Variants in SHISA5 observed in about 807,000 individuals in gnomAD.
SHISA5 encodes shisa family member 5.
In SHISA5, 21 loss-of-function variants were observed where a neutral mutation model predicts 27.5. The observed-to-expected ratio is 0.76, with a 90% CI of 0.54 to 1.10. The LOEUF is 1.10. Ranked by LOEUF, SHISA5 falls within the 50% of genes least tolerant of loss-of-function variation. SHISA5 has a pLI of 0.00. For missense variants in SHISA5, 314 were observed against 336.3 expected (o/e 0.93, Z 0.52); for synonymous variants, 137 against 142.2 (o/e 0.96, Z 0.26).
Position 48,504,002 on chromosome 3 carries a change from C to A in SHISA5, c.76+17G>T. 1.4e-6 allele frequency: 2 copies of A among 1,462,202 alleles called. No individual in the cohort carries two copies. The highest frequency in any genetic ancestry group is 1.3e-5 in the South Asian group (1 of 75,792). 90.6% of individuals were successfully genotyped at this position (1,462,202 alleles called of 1,614,324 possible). ...CCGGTCCCAGGGCAGGACGGGCCGCCCCCACCCCCGGCTCACCACCCGGAG... is the reference window on the plus strand; with the variant it reads ...CCGGTCCCAGGGCAGGACGGGCCGCACCCACCCCCGGCTCACCACCCGGAG... On this transcript the variant is annotated intron_variant, in intron 1 of 5. Coordinates refer to ENST00000296444, the MANE Select transcript of SHISA5 (RefSeq NM_016479.6). The surrounding 1 kb of genome is among the most constrained non-coding windows in gnomAD (Gnocchi z 4.0).
rs1405532860 is a variant in SHISA5, at chr3:48,473,908, A to T, written c.315-4065T>A. On this transcript the variant is annotated intron_variant, in intron 3 of 5. Coordinates refer to ENST00000296444, the MANE Select transcript of SHISA5 (RefSeq NM_016479.6). This position sits in a 1 kb window ranked among gnomAD's most constrained non-coding sequence, Gnocchi z 4.3. ...AAACTCCTTCTTTACCTACCAAAAA[A>T]TACAAAAATTAGCCAGGCTTGGTGG... Among the ~76,000 whole-genome samples, 2 of 151,892 alleles carry T rather than the reference A, an allele frequency of 1.3e-5. No individual in the cohort carries two copies. Among genetic ancestry groups the T allele is most frequent in the Non-Finnish European group, 2.9e-5 (2 of 67,984 alleles).
intron 3 of SHISA5, among the ~76,000 whole-genome samples, chr3:48,478,964 C>T (rs538187795): frequency 6.6e-6 from 1 of 152,228 alleles, no homozygotes; most frequent in South Asian, 2.1e-4. Flanking sequence ...AACCCCCGAC[C>T]ACAGTCACCC....
At chr3:48,487,755 G>T (rs566776498) in intron 2 of SHISA5, among the ~76,000 whole-genome samples, 2 of 152,240 alleles carry the variant, frequency 1.3e-5, no homozygotes, top group East Asian at 3.9e-4. Context: ...AATTATCTGG[G>T]CATGGTGGCA....
rs1452485859 is a variant in SHISA5, at chr3:48,470,841, C to T, written c.315-998G>A. Among the ~76,000 whole-genome samples the T allele has an allele frequency of 6.6e-6, 1 of 151,824 alleles. No individual in the cohort carries two copies. Among genetic ancestry groups the T allele is most frequent in the African/African-American group, 2.4e-5 (1 of 41,330 alleles). ...ACTTGGGAGGCTGAGGCAGGAGAATCGCTTGAACCCGAGAGGCAGAGGTTG... is the reference window on the plus strand; with the variant it reads ...ACTTGGGAGGCTGAGGCAGGAGAATTGCTTGAACCCGAGAGGCAGAGGTTG... On this transcript the variant is annotated intron_variant, in intron 3 of 5. Transcript: ENST00000296444. The surrounding 1 kb of genome is among the most constrained non-coding windows in gnomAD (Gnocchi z 4.3).
At chr3:48,502,241 A>G (rs1240153209) in intron 1 of SHISA5, 5 of 367,844 alleles carry the variant, frequency 1.4e-5, no homozygotes, top group East Asian at 7.7e-5. Context: ...GGGCACCACA[A>G]CTGCAGGGGC....
rs1355014722 is a variant in SHISA5 at position 48,468,086 on chromosome 3, C to T, written c.*1021G>A. ...CCAGGTGTCCCTGCTGCCAGAACACCGTGGACTGGGGTACAGGAGTTGTTG... is the reference window on the plus strand; with the variant it reads ...CCAGGTGTCCCTGCTGCCAGAACACTGTGGACTGGGGTACAGGAGTTGTTG... On this transcript the variant is annotated 3_prime_UTR_variant, in exon 6 of 6. Coordinates refer to ENST00000296444, the MANE Select transcript of SHISA5 (RefSeq NM_016479.6). The T allele has an allele frequency of 2.5e-4, 242 of 949,592 alleles. No homozygotes were observed. Among genetic ancestry groups the T allele is most frequent in the Non-Finnish European group, 2.9e-4 (231 of 786,094 alleles). 58.8% of individuals were successfully genotyped at this position (949,592 alleles called of 1,614,324 possible). A position where few individuals can be genotyped will look rare whatever the true frequency, so the allele number is the denominator to read the frequency against.
At chr3:48,487,110 G>GCA (rs550343301) in intron 2 of SHISA5, among the ~76,000 whole-genome samples, 30 of 148,776 alleles carry the variant, frequency 2.0e-4, no homozygotes, top group African/African-American at 6.3e-4. Context: ...GTCCATAGGC[G>GCA]CACACACACA....
intron 3 of SHISA5, among the ~76,000 whole-genome samples, chr3:48,474,026 GAAGAA>G (rs2040735237): frequency 6.6e-6 from 1 of 151,380 alleles, no homozygotes; most frequent in Non-Finnish European, 1.5e-5. Context: ...AAAAGAAGAG[GAAGAA>G]AAGAAAAATC....
chr3:48,480,057 C>T (rs189650808), intron 2 of SHISA5, among the ~76,000 whole-genome samples: 30 of 152,008 alleles, frequency 2.0e-4, no homozygotes, highest in Middle Eastern at 3.4e-3. Flanking sequence ...GCGCCCACAA[C>T]TACGCCCGGC....
intron 2 of SHISA5, among the ~76,000 whole-genome samples, chr3:48,497,017 G>A (rs2041573949): frequency 6.6e-6 from 1 of 151,526 alleles, no homozygotes; most frequent in Non-Finnish European, 1.5e-5. Flanking sequence ...ATCACCTGAG[G>A]CCAAGAGTTT....
intron 3 of SHISA5, among the ~76,000 whole-genome samples, chr3:48,472,268 G>A (rs1354368938): frequency 2.0e-5 from 3 of 152,060 alleles, no homozygotes; most frequent in East Asian, 1.9e-4. Flanking sequence ...CAGGCGGATC[G>A]CCTGAGGTCA....
chr3:48,482,119 T>C (rs1033678722), intron 2 of SHISA5, among the ~76,000 whole-genome samples: 3 of 131,596 alleles, frequency 2.3e-5, no homozygotes, highest in African/African-American at 2.8e-5. Context: ...AAAAAAGTAA[T>C]GGAAAACCCA....
Position 48,469,920 on chromosome 3 carries a change from C to A in SHISA5, c.315-77G>T. The A allele has an allele frequency of 6.5e-7, 1 of 1,543,096 alleles. No homozygotes were observed. The highest frequency in any genetic ancestry group is 1.2e-5 in the South Asian group (1 of 83,318). On this transcript the variant is annotated intron_variant, in intron 3 of 5. Coordinates refer to ENST00000296444, the MANE Select transcript of SHISA5 (RefSeq NM_016479.6). The surrounding 1 kb of genome is among the most constrained non-coding windows in gnomAD (Gnocchi z 4.6). ...CATCCACACCTTCCCAAGGCATGCC[C>A]CTCTTGCCAGAAGGGGTCTGGGCAA... is the stretch of plus-strand genomic sequence containing the variant.
intron 2 of SHISA5, among the ~76,000 whole-genome samples, chr3:48,491,669 A>G (rs1360979168): frequency 6.6e-6 from 1 of 151,382 alleles, no homozygotes; most frequent in East Asian, 2.0e-4. Context: ...TTTGTTTGAA[A>G]CAAGGGTCTC....
intron 2 of SHISA5, among the ~76,000 whole-genome samples, chr3:48,489,513 G>A (rs2041354994): frequency 6.6e-6 from 1 of 151,582 alleles, no homozygotes; most frequent in African/African-American, 2.4e-5. Flanking sequence ...CAGCAGAGAC[G>A]GGGTTTCACC....
At chr3:48,474,431 G>A (rs1292677171) in intron 3 of SHISA5, among the ~76,000 whole-genome samples, 1 of 151,844 alleles carries the variant, frequency 6.6e-6, no homozygotes, top group Admixed American at 6.6e-5. Flanking sequence ...CGCCTCCCCG[G>A]GTTCAAGTGA....
At chr3:48,497,212 C>G (rs1029417611) in intron 2 of SHISA5, among the ~76,000 whole-genome samples, 2 of 149,546 alleles carry the variant, frequency 1.3e-5, no homozygotes, top group African/African-American at 4.9e-5. Flanking sequence ...AGTCTGCTGT[C>G]TGTCTTGCTA....
chr3:48,483,371 C>T (rs567421210), intron 2 of SHISA5, among the ~76,000 whole-genome samples: 102 of 152,142 alleles, frequency 6.7e-4, no homozygotes, highest in Non-Finnish European at 6.2e-4. Flanking sequence ...CCTGAGTGGA[C>T]ACAGCACATG....
Position 48,469,347 on chromosome 3 carries a change from G to A in SHISA5, c.643+14C>T, listed in dbSNP as rs781457619. 65 of 1,577,144 alleles carry A rather than the reference G, an allele frequency of 4.1e-5. No homozygotes were observed. Among genetic ancestry groups the A allele is most frequent in the Admixed American group, 1.6e-4 (9 of 57,242 alleles). ...GGGAAGTCGGGCAGGGCTAGAGTTG[G>A]CAGGGGCACTCACCAGCCAGGGTCT... On this transcript the variant is annotated intron_variant, in intron 5 of 5. Transcript: ENST00000296444. The surrounding 1 kb of genome is among the most constrained non-coding windows in gnomAD (Gnocchi z 4.6).
Sources: allele counts gnomAD v4.1 joint callset (sites outside exome capture counted in the v4.1 genomes callset), GRCh38; gene constraint gnomAD v4.1.1; non-coding constraint Gnocchi (gnomAD v3.1); transcripts MANE v1.5; gene names NCBI Gene and HGNC (gene_info 2026-07-23, HGNC 2026-07-21).